Variants in GRID1 observed in about 807,000 individuals in gnomAD.
The protein encoded by GRID1 is glutamate receptor ionotropic, delta-1.
A neutral mutation model predicts 98.0 loss-of-function variants in GRID1; 28 were observed. That is an observed-to-expected ratio of 0.29 (90% confidence interval 0.21 to 0.39). The LOEUF (loss-of-function observed/expected upper bound fraction) is 0.39. Ranked by LOEUF, GRID1 falls within the 10% of genes least tolerant of loss-of-function variation. GRID1 has a pLI of 1.00. For synonymous variants in GRID1, 553 were observed against 538.5 expected, an observed-to-expected ratio of 1.03 and a Z score of -0.37; for missense variants, 1,111 against 1,340.5, an observed-to-expected ratio of 0.83 and a Z score of 2.67.
intron 5 of GRID1, among the ~76,000 whole-genome samples, chr10:85,897,405 C>A (rs1589291444): frequency 6.6e-6 from 1 of 152,252 alleles, no homozygotes; most frequent in East Asian, 1.9e-4. Flanking sequence ...ATGGCCTGAG[C>A]CAGGAAACCT....
chr10:85,852,424 C>G (rs920166961), intron 8 of GRID1, among the ~76,000 whole-genome samples: 2 of 152,138 alleles, frequency 1.3e-5, no homozygotes, highest in African/African-American at 4.8e-5. Context: ...GTGCCTCCCC[C>G]TCTCTCAGGC....
intron 3 of GRID1, among the ~76,000 whole-genome samples, chr10:86,166,881 A>G (rs1343075098): frequency 6.6e-6 from 1 of 152,210 alleles, no homozygotes; most frequent in African/African-American, 2.4e-5. Flanking sequence ...GTTAAGCCAG[A>G]GCCAGGCCCC....
intron 5 of GRID1, among the ~76,000 whole-genome samples, chr10:85,880,116 T>C (rs1028025972): frequency 6.6e-6 from 1 of 152,162 alleles, no homozygotes; most frequent in Non-Finnish European, 1.5e-5. Flanking sequence ...GCTCTGAAAT[T>C]GTGGCAATAA....
chr10:86,251,346 A>G, intron 2 of GRID1, among the ~76,000 whole-genome samples: 1 of 78,954 alleles, frequency 1.3e-5, no homozygotes, highest in Non-Finnish European at 2.8e-5. Context: ...TGATCAATAA[A>G]TACTAAAAAA....
chr10:85,909,017 T>G (rs12258915), intron 5 of GRID1, among the ~76,000 whole-genome samples: 9,649 of 152,270 alleles, frequency 0.063, 353 homozygotes, highest in Middle Eastern at 0.11. Context: ...GAGAAAATAT[T>G]TACAAAGTAT....
chr10:85,609,726 G>A (rs1004071449), intron 15 of GRID1, among the ~76,000 whole-genome samples: 1 of 152,226 alleles, frequency 6.6e-6, no homozygotes, highest in African/African-American at 2.4e-5. Flanking sequence ...AAGGCAGAAA[G>A]CAACAAGAAT....
chr10:86,027,266 G>C (rs568598448), intron 4 of GRID1, among the ~76,000 whole-genome samples: 68 of 152,140 alleles, frequency 4.5e-4, no homozygotes, highest in African/African-American at 1.6e-3. Context: ...TTCTTTCTCC[G>C]CAGCCCCTGC....
chr10:85,617,945 C>T (rs1842810832), intron 14 of GRID1, among the ~76,000 whole-genome samples: 1 of 152,172 alleles, frequency 6.6e-6, no homozygotes, highest in Non-Finnish European at 1.5e-5. Context: ...TCTGAAGCCA[C>T]ACAAAGGACA....
chr10:86,187,659 G>C (rs1275860573), intron 3 of GRID1, among the ~76,000 whole-genome samples: 1 of 152,200 alleles, frequency 6.6e-6, no homozygotes, highest in African/African-American at 2.4e-5. Context: ...GCTACTCTTG[G>C]GGCTGCGCTA....
At chr10:85,620,390 A>G (rs1324709222) in intron 13 of GRID1, among the ~76,000 whole-genome samples, 1 of 152,258 alleles carries the variant, frequency 6.6e-6, no homozygotes, top group Non-Finnish European at 1.5e-5. Context: ...ATCTAGTGCC[A>G]GGTGACTGAG....
intron 8 of GRID1, among the ~76,000 whole-genome samples, chr10:85,766,023 G>A (rs1590221878): frequency 6.6e-6 from 1 of 152,350 alleles, no homozygotes. Context: ...CCACAGAGGT[G>A]CACAGGTGAG....
At chr10:85,710,060 G>A (rs916396102) in intron 12 of GRID1, among the ~76,000 whole-genome samples, 9 of 152,080 alleles carry the variant, frequency 5.9e-5, no homozygotes, top group African/African-American at 1.9e-4. Context: ...TGTTCAGAAT[G>A]ATCTACTAAT....
chr10:86,319,986 T>C (rs2132094296), intron 2 of GRID1, among the ~76,000 whole-genome samples: 1 of 152,372 alleles, frequency 6.6e-6, no homozygotes, highest in South Asian at 2.1e-4. Flanking sequence ...CAATCCCTGC[T>C]GCACCTCCAT....
chr10:85,988,075 A>T (rs1232392945), intron 4 of GRID1, among the ~76,000 whole-genome samples: 5 of 152,046 alleles, frequency 3.3e-5, no homozygotes, highest in Non-Finnish European at 7.4e-5. Context: ...TGCCCCCTCC[A>T]TCTCCAATTA....
chr10:85,941,687 G>A (rs573771987), intron 4 of GRID1, among the ~76,000 whole-genome samples: 2 of 152,290 alleles, frequency 1.3e-5, no homozygotes, highest in African/African-American at 2.4e-5. Flanking sequence ...GTTTTTCTGT[G>A]CCTATCTAAA....
At position 86,036,234 on chromosome 10, in the gene GRID1, TG is replaced by T. The variant is rs746803949; in HGVS notation, c.726+102584del. The stretch of plus-strand genomic sequence containing the variant: ...ATTACCACTCTAAGACAGTCCGCCT[TG>T]GGCTGGGCAGACTCTCCATGAGGCC... On this transcript the variant is annotated intron_variant, in intron 4 of 15. Transcript: ENST00000327946. Among the ~76,000 whole-genome samples the T allele has an allele frequency of 9.2e-5, 14 of 152,268 alleles. No homozygotes were observed. The East Asian group carries it at 2.7e-3, about 29-fold the overall frequency.
chr10:85,671,594 T>C (rs1276669819), intron 12 of GRID1, among the ~76,000 whole-genome samples: 2 of 152,090 alleles, frequency 1.3e-5, no homozygotes, highest in East Asian at 3.9e-4. Context: ...CACACAACAA[T>C]ATTGAAATTA....
intron 2 of GRID1, among the ~76,000 whole-genome samples, chr10:86,213,026 C>T (rs1299419098): frequency 6.6e-6 from 1 of 152,104 alleles, no homozygotes; most frequent in Non-Finnish European, 1.5e-5. Flanking sequence ...ACACACTTGA[C>T]AGGCATCCAT....
chr10:86,218,561 G>A (rs545268985), intron 2 of GRID1, among the ~76,000 whole-genome samples: 5 of 152,150 alleles, frequency 3.3e-5, no homozygotes, highest in Non-Finnish European at 5.9e-5. Flanking sequence ...CAGGCTTCAG[G>A]ATATAGCGCA....
Sources: gnomAD v4.1 joint callset for allele counts (sites outside exome capture counted in the v4.1 genomes callset) on GRCh38, gnomAD v4.1.1 for gene constraint, MANE v1.5 for transcripts, NCBI Gene and HGNC (gene_info 2026-07-23, HGNC 2026-07-21) for gene names.